CSMD3: variants seen among roughly 807,000 people sequenced by gnomAD.
CSMD3 encodes CUB and Sushi multiple domains 3.
A neutral mutation model predicts 435.2 loss-of-function variants in CSMD3; 177 were observed. The observed-to-expected ratio is 0.41, with a 90% confidence interval of 0.36 to 0.46. The LOEUF (loss-of-function observed/expected upper bound fraction) is 0.46, where lower values mean the gene tolerates loss of function less well. Among genes scored for constraint, CSMD3 ranks in the 20% least tolerant of loss-of-function variants. The pLI is 0.34. For missense variants in CSMD3, 4,265 were observed against 4,504.6 expected (o/e 0.95, Z 1.52); for synonymous variants, 1,656 against 1,520.5 (o/e 1.09, Z -2.07).
intron 3 of CSMD3, among the ~76,000 whole-genome samples, chr8:113,178,550 G>A (rs975153342): frequency 6.6e-6 from 1 of 151,822 alleles, no homozygotes; most frequent in Non-Finnish European, 1.5e-5. Flanking sequence ...TGGCAGAAAC[G>A]AAACATGTAA....
intron 6 of CSMD3, among the ~76,000 whole-genome samples, chr8:113,017,271 AT>A (rs551018137): frequency 6.6e-6 from 1 of 152,006 alleles, no homozygotes; most frequent in South Asian, 2.1e-4. Context: ...GCAAAAGTCA[AT>A]TAAAGACCAA....
intron 1 of CSMD3, among the ~76,000 whole-genome samples, chr8:113,387,147 A>G (rs914050781): frequency 2.0e-5 from 3 of 151,802 alleles, no homozygotes; most frequent in African/African-American, 7.2e-5. Flanking sequence ...TTTTTTAATC[A>G]TTAATTGCAT....
chr8:113,241,385 G>A (rs927281345), intron 3 of CSMD3, among the ~76,000 whole-genome samples: 1 of 151,838 alleles, frequency 6.6e-6, no homozygotes, highest in Non-Finnish European at 1.5e-5. Flanking sequence ...CCTAGCAGTG[G>A]GTCCCTGAAA....
intron 3 of CSMD3, among the ~76,000 whole-genome samples, chr8:113,218,445 T>TA (rs138684206): frequency 0.028 from 3,980 of 140,920 alleles, 82 homozygotes; most frequent in Non-Finnish European, 0.04. Context: ...CATAATCTTT[T>TA]AAAAAATCAG....
At chr8:112,560,009 T>C (rs1176807081) in intron 24 of CSMD3, among the ~76,000 whole-genome samples, 1 of 151,856 alleles carries the variant, frequency 6.6e-6, no homozygotes, top group Non-Finnish European at 1.5e-5. Flanking sequence ...ATAACTTTTA[T>C]AGGCATAGAT....
intron 6 of CSMD3, among the ~76,000 whole-genome samples, chr8:113,012,524 C>T (rs894573492): frequency 2.6e-5 from 4 of 151,990 alleles, no homozygotes; most frequent in African/African-American, 9.6e-5. Flanking sequence ...GGCGGTTTCC[C>T]CCATGCTGTT....
At position 113,060,601 on chromosome 8, in the gene CSMD3, A is replaced by G. The variant is rs146629121; in HGVS notation, c.917+38155T>C. Among the ~76,000 whole-genome samples, 899 of 152,238 alleles carry G rather than the reference A, an allele frequency of 5.9e-3. 4 individuals are homozygous for G. Among genetic ancestry groups the G allele is most frequent in the African/African-American group, 0.019 (800 of 41,548 alleles). ...TCTCCTTTATATTTGTTGCTTATTT[A>G]AAATTTTTGCTTTTAAGCTATGGTA... On this transcript the variant is annotated intron_variant, in intron 5 of 70. Transcript: ENST00000297405.
chr8:113,335,537 CTTTTTTTT>C (rs1222360431), intron 1 of CSMD3, among the ~76,000 whole-genome samples: 4 of 29,726 alleles, frequency 1.3e-4, no homozygotes, highest in South Asian at 1.7e-3. Context: ...CCTCCTCCTT[CTTTTTTTT>C]TTTTTTTTTT....
Position 113,046,225 on chromosome 8 carries a change from G to C in CSMD3, c.918-27046C>G, listed in dbSNP as rs2087823754. Reference sequence around the variant, plus strand: ...CCAACCACACGAGGTGCGACCCCAGGTGTGTGAGGGAAAGGCCCCTACCCC... The same window carrying C: ...CCAACCACACGAGGTGCGACCCCAGCTGTGTGAGGGAAAGGCCCCTACCCC... On this transcript the variant is annotated intron_variant, in intron 5 of 70. Transcript: ENST00000297405. 2.7e-5 allele frequency among the ~76,000 whole-genome samples: 4 copies of C among 148,794 alleles called. 1 individual carries two copies. Among genetic ancestry groups the C allele is most frequent in the Admixed American group, 6.7e-5 (1 of 14,922 alleles).
Position 112,263,700 on chromosome 8 carries a change from G to A in CSMD3, c.9801C>T (p.Phe3267=), listed in dbSNP as rs1189064124. The change falls in exon 61 of 71, where the codon TTC becomes TTT. Residue 3267 remains phenylalanine, a synonymous_variant. Coordinates refer to ENST00000297405, the MANE Select transcript of CSMD3 (RefSeq NM_198123.2). Reference sequence around the variant, plus strand: ...TCCCTACACAGGTCAAAACAGCAGGGAAGGATAGCTCATAGCCTGGAGAAC... The same window carrying A: ...TCCCTACACAGGTCAAAACAGCAGGAAAGGATAGCTCATAGCCTGGAGAAC... ...YICSPGYELS[F]PAVLTCVGNG... is the part of the protein sequence containing the mutation. The A allele has an allele frequency of 1.2e-6, 2 of 1,613,764 alleles. No individual in the cohort carries two copies. Among genetic ancestry groups the A allele is most frequent in the South Asian group, 2.2e-5 (2 of 91,080 alleles).
intron 17 of CSMD3, among the ~76,000 whole-genome samples, chr8:112,665,590 C>T (rs1256940189): frequency 6.6e-6 from 1 of 151,886 alleles, no homozygotes; most frequent in East Asian, 1.9e-4. Context: ...TTTTGTTCAT[C>T]TGTTTGTTTT....
intron 10 of CSMD3, among the ~76,000 whole-genome samples, chr8:112,872,982 C>T (rs2081179359): frequency 2.0e-5 from 3 of 151,930 alleles, no homozygotes; most frequent in African/African-American, 4.8e-5. Context: ...AGAAGCCAGA[C>T]AAAAACCTCA....
At chr8:112,609,125 C>A (rs1833029209) in intron 22 of CSMD3, among the ~76,000 whole-genome samples, 1 of 136,330 alleles carries the variant, frequency 7.3e-6, no homozygotes, top group African/African-American at 2.7e-5. Flanking sequence ...TCGCTTGAAC[C>A]TGGGAGGCGG....
intron 45 of CSMD3, among the ~76,000 whole-genome samples, chr8:112,333,091 A>G (rs746020086): frequency 1.4e-4 from 21 of 152,200 alleles, no homozygotes; most frequent in Non-Finnish European, 2.6e-4. Context: ...AGTAGAGATC[A>G]AAGTGTAACT....
At chr8:113,160,388 T>A (rs1327370556) in intron 4 of CSMD3, among the ~76,000 whole-genome samples, 1 of 151,984 alleles carries the variant, frequency 6.6e-6, no homozygotes, top group Non-Finnish European at 1.5e-5. Flanking sequence ...TATTTTTAAG[T>A]GTTGAATTCA....
rs1194690566 is a variant in CSMD3 at position 112,545,478 on chromosome 8, A to G, written c.4564+5193T>C. Among the ~76,000 whole-genome samples the G allele has an allele frequency of 5.0e-3, 410 of 82,176 alleles. 1 individual carries two copies. Among genetic ancestry groups the G allele is most frequent in the African/African-American group, 0.018 (393 of 21,246 alleles). 53.9% of individuals were successfully genotyped at this position (82,176 alleles called of 152,430 possible). Reference sequence around the variant, plus strand: ...AGCCTGGGCGACAGAGCGAGACTCCATCTCAAAAAAAAAAAAAAAAAAAAA... The same window carrying G: ...AGCCTGGGCGACAGAGCGAGACTCCGTCTCAAAAAAAAAAAAAAAAAAAAA... On this transcript the variant is annotated intron_variant, in intron 27 of 70. Coordinates refer to ENST00000297405, the MANE Select transcript of CSMD3 (RefSeq NM_198123.2).
In CSMD3 at chr8:112,969,461, C is replaced by T. The variant is rs182803056; in HGVS notation, c.1342+6376G>A. ...GTCTACATCATATTCAATCTCAATTCAGCATAATTTCATGTAACTTTATTA... is the reference window on the plus strand; with the variant it reads ...GTCTACATCATATTCAATCTCAATTTAGCATAATTTCATGTAACTTTATTA... On this transcript the variant is annotated intron_variant, in intron 7 of 70. Coordinates refer to ENST00000297405, the MANE Select transcript of CSMD3 (RefSeq NM_198123.2). 8.6e-5 allele frequency among the ~76,000 whole-genome samples: 13 copies of T among 152,038 alleles called. No individual in the cohort carries two copies. The East Asian group carries it at 2.5e-3, about 29-fold the overall frequency.
chr8:112,742,487 C>T lies in CSMD3; in HGVS notation c.1973-52437G>A, dbSNP rs189150991. Among the ~76,000 whole-genome samples the T allele has an allele frequency of 8.3e-4, 126 of 151,778 alleles. 1 individual carries two copies. Among genetic ancestry groups the T allele is most frequent in the Non-Finnish European group, 1.4e-3 (92 of 67,876 alleles). ...AGGCTCTTTTTTTCTCATGAGAGTGCGATCTGTACAATGTGTTAAAAGTAC... is the reference window on the plus strand; with the variant it reads ...AGGCTCTTTTTTTCTCATGAGAGTGTGATCTGTACAATGTGTTAAAAGTAC... On this transcript the variant is annotated intron_variant, in intron 13 of 70. Transcript: ENST00000297405.
chr8:112,973,486 T>A (rs548075446), intron 7 of CSMD3, among the ~76,000 whole-genome samples: 1 of 151,996 alleles, frequency 6.6e-6, no homozygotes, highest in African/African-American at 2.4e-5. Context: ...GGGACATGCA[T>A]TATTTATCTT....
Sources: allele counts gnomAD v4.1 joint callset (sites outside exome capture counted in the v4.1 genomes callset), GRCh38; gene constraint gnomAD v4.1.1; transcripts MANE v1.5; gene names NCBI Gene and HGNC (gene_info 2026-07-23, HGNC 2026-07-21).